Variants in ENDOD1 observed in about 807,000 individuals in gnomAD.
ENDOD1 encodes the protein endonuclease domain-containing 1 protein.
Under a neutral mutation model 6.5 loss-of-function variants are expected in ENDOD1, and 9 were observed. The observed-to-expected ratio is 1.39, with a 90% CI of 0.84 to 2.43. The LOEUF (loss-of-function observed/expected upper bound fraction) is 2.43. ENDOD1 is among the 30% of genes most tolerant of loss of function. ENDOD1 has a pLI of 0.00. For missense variants in ENDOD1, 648 were observed against 635.5 expected, an observed-to-expected ratio of 1.02 and a Z score of -0.21; for synonymous variants, 255 against 255.2, an observed-to-expected ratio of 1.00 and a Z score of 0.01.
intron 1 of ENDOD1, among the ~76,000 whole-genome samples, chr11:95,118,544 T>G (rs994411369): frequency 6.6e-6 from 1 of 152,242 alleles, no homozygotes; most frequent in African/African-American, 2.4e-5. Context: ...ATATTGGAGC[T>G]CCATTGTATT....
intron 1 of ENDOD1, among the ~76,000 whole-genome samples, chr11:95,124,190 GA>G (rs903297500): frequency 2.0e-5 from 3 of 150,948 alleles, no homozygotes; most frequent in East Asian, 3.9e-4. Flanking sequence ...AGAGATGCTA[GA>G]AAAAAAAATC....
At chr11:95,100,798 CT>C (rs1197681912) in intron 1 of ENDOD1, among the ~76,000 whole-genome samples, 133 of 122,546 alleles carry the variant, frequency 1.1e-3, no homozygotes, top group Admixed American at 1.4e-3. Flanking sequence ...GCCCAGCCTA[CT>C]TTTTTTTTTT....
chr11:95,092,054 A>G (rs371261333), intron 1 of ENDOD1, among the ~76,000 whole-genome samples: 1 of 152,134 alleles, frequency 6.6e-6, no homozygotes, highest in African/African-American at 2.4e-5. Context: ...ATTAGATTTA[A>G]TCTGTCTTTG....
intron 1 of ENDOD1, among the ~76,000 whole-genome samples, chr11:95,094,441 A>C (rs548323536): frequency 6.6e-6 from 1 of 152,038 alleles, no homozygotes; most frequent in African/African-American, 2.4e-5. Flanking sequence ...CTCCACTTCT[A>C]TTTTCTGACA....
chr11:95,094,205 A>G (rs1280165756), intron 1 of ENDOD1, among the ~76,000 whole-genome samples: 2 of 150,930 alleles, frequency 1.3e-5, no homozygotes, highest in Non-Finnish European at 2.9e-5. Flanking sequence ...TATTTGTTCA[A>G]TCTTAAAAAA....
chr11:95,089,880 G>T lies in ENDOD1; in HGVS notation c.-48G>T. On this transcript the variant is annotated 5_prime_UTR_variant, in exon 1 of 2. Transcript: ENST00000278505. ...TCCCCGCCCAGCCTGCAGAGCTCGC[G>T]CCGCGGCAGCCCAGCCGCTCGGCCC... The T allele has an allele frequency of 7.8e-7, 1 of 1,288,414 alleles. No homozygotes were observed. Among genetic ancestry groups the T allele is most frequent in the East Asian group, 3.2e-5 (1 of 30,872 alleles). The allele number at this position is 1,288,414 out of a possible 1,614,324, so 79.8% of individuals were successfully genotyped here. A position where few individuals can be genotyped will look rare whatever the true frequency, so the allele number is the denominator to read the frequency against.
rs1555109668 is a variant in ENDOD1, at chr11:95,090,109, G to A, written c.182G>A (p.Gly61Asp). Residue 61 changes from glycine to aspartate, a missense_variant, in exon 1 of 2, where the codon GGT (glycine) becomes GAT (aspartate). Transcript: ENST00000278505. ...SHVKICQRAEGAERFATLYST... is the reference protein window; with the variant it reads ...SHVKICQRAEDAERFATLYST... ...GTGAAGATCTGTCAGCGCGCGGAGG[G>A]TGCTGAGCGCTTCGCCACCCTCTAC... 5 of 1,584,654 alleles carry A rather than the reference G, an allele frequency of 3.2e-6. No individual in the cohort carries two copies. The highest frequency in any genetic ancestry group is 1.7e-4 in the Middle Eastern group (1 of 5,952).
chr11:95,095,375 A>G (rs1858974149), intron 1 of ENDOD1, among the ~76,000 whole-genome samples: 3 of 2,690 alleles, frequency 1.1e-3, no homozygotes, highest in Middle Eastern at 0.12. Context: ...ATTCCAGTCT[A>G]TTGTGCTGAG....
At chr11:95,110,646 T>C (rs7107625) in intron 1 of ENDOD1, among the ~76,000 whole-genome samples, 5,169 of 151,758 alleles carry the variant, frequency 0.034, 304 homozygotes, top group African/African-American at 0.12. Flanking sequence ...TAGTAACACA[T>C]TACAAGCCTC....
chr11:95,096,822 C>T (rs1204125445), intron 1 of ENDOD1, among the ~76,000 whole-genome samples: 2 of 152,130 alleles, frequency 1.3e-5, no homozygotes, highest in Admixed American at 6.5e-5. Flanking sequence ...TACCTACTCT[C>T]ATAGGGTTTA....
chr11:95,095,166 T>G (rs577451764), intron 1 of ENDOD1, among the ~76,000 whole-genome samples: 1 of 152,218 alleles, frequency 6.6e-6, no homozygotes, highest in Admixed American at 6.5e-5. Context: ...AAATGCTTGG[T>G]GTATGTCCCA....
intron 1 of ENDOD1, among the ~76,000 whole-genome samples, chr11:95,092,369 G>A (rs2134159702): frequency 6.6e-6 from 1 of 152,234 alleles, no homozygotes; most frequent in South Asian, 2.1e-4. Flanking sequence ...AGCTAGGGAA[G>A]GAGTGAGTCG....
At position 95,128,614 on chromosome 11, in the gene ENDOD1, A is replaced by G; in HGVS notation, c.538A>G (p.Ser180Gly). 1 of 1,614,258 alleles carries G rather than the reference A, an allele frequency of 6.2e-7. No individual in the cohort carries two copies. The highest frequency in any genetic ancestry group is 8.5e-7 in the Non-Finnish European group (1 of 1,180,056). Residue 180 changes from serine (S) to glycine (G), a missense_variant, in exon 2 of 2, where the codon AGC becomes GGC. By Grantham distance (56) the Ser-to-Gly change is moderately conservative. Coordinates refer to ENST00000278505, the MANE Select transcript of ENDOD1 (RefSeq NM_015036.3). ...GGAACGGTGGTATGTGAATCTCCAC[A>G]GCCTAATGGACCGGGCTTTGACCCC... ...FQERWYVNLH[S>G]LMDRALTPQC...
intron 1 of ENDOD1, among the ~76,000 whole-genome samples, chr11:95,108,014 C>T (rs943563962): frequency 2.0e-5 from 3 of 152,204 alleles, no homozygotes; most frequent in African/African-American, 4.8e-5. Flanking sequence ...TGAAACTCCT[C>T]GCTGTGTGTG....
At chr11:95,109,015 G>A (rs1360640620) in intron 1 of ENDOD1, among the ~76,000 whole-genome samples, 1 of 152,200 alleles carries the variant, frequency 6.6e-6, no homozygotes, top group Non-Finnish European at 1.5e-5. Flanking sequence ...ATCCCAGTGT[G>A]TGTGGGTGTG....
chr11:95,110,312 T>C (rs191556196), intron 1 of ENDOD1, among the ~76,000 whole-genome samples: 41 of 152,292 alleles, frequency 2.7e-4, no homozygotes, highest in Non-Finnish European at 5.4e-4. Context: ...GATCCCAATA[T>C]CATCCCCTTG....
At chr11:95,098,503 AT>A (rs1859007958) in intron 1 of ENDOD1, among the ~76,000 whole-genome samples, 1 of 152,222 alleles carries the variant, frequency 6.6e-6, no homozygotes, top group African/African-American at 2.4e-5. Flanking sequence ...TTTATTGCAC[AT>A]TTAATTCATC....
In ENDOD1 at chr11:95,097,744, A is replaced by G. The variant is rs79731330; in HGVS notation, c.300+7517A>G. ...TCTTGGATCAAGATGATAGCACTGTATATTCTGGATATATTGTGAAGAAAG... is the reference window on the plus strand; with the variant it reads ...TCTTGGATCAAGATGATAGCACTGTGTATTCTGGATATATTGTGAAGAAAG... On this transcript the variant is annotated intron_variant, in intron 1 of 1. Coordinates refer to ENST00000278505, the MANE Select transcript of ENDOD1 (RefSeq NM_015036.3). 6.0e-4 allele frequency among the ~76,000 whole-genome samples: 91 copies of G among 152,342 alleles called. 1 individual carries two copies. The highest frequency in any genetic ancestry group is 2.1e-3 in the African/African-American group (88 of 41,568).
At chr11:95,106,483 G>C (rs1250384123) in intron 1 of ENDOD1, among the ~76,000 whole-genome samples, 1 of 152,166 alleles carries the variant, frequency 6.6e-6, no homozygotes, top group Admixed American at 6.5e-5. Context: ...GAATATGCCA[G>C]TTTGTCATTT....
Sources: allele counts gnomAD v4.1 joint callset (sites outside exome capture counted in the v4.1 genomes callset), GRCh38; gene constraint gnomAD v4.1.1; transcripts MANE v1.5; gene names NCBI Gene and HGNC (gene_info 2026-07-23, HGNC 2026-07-21).